Variants in EIPR1 observed in about 807,000 individuals in gnomAD.
The protein encoded by EIPR1 is EARP complex and GARP complex interacting protein 1.
Under a neutral mutation model 48.1 loss-of-function variants are expected in EIPR1, and 25 were observed. The observed-to-expected ratio is 0.52, with a 90% CI of 0.38 to 0.73. EIPR1 has a LOEUF of 0.73. EIPR1 is among the 30% of genes least tolerant of loss of function. The probability of loss-of-function intolerance (pLI) is 0.00; values close to 1 mark genes in which losing one functional copy is unlikely to be tolerated. For synonymous variants in EIPR1, 204 were observed against 201.9 expected (o/e 1.01, Z -0.09); for missense variants, 415 against 506.2 (o/e 0.82, Z 1.73).
intron 5 of EIPR1, among the ~76,000 whole-genome samples, chr2:3,200,201 C>T (rs1360387486): frequency 7.9e-5 from 12 of 152,002 alleles, no homozygotes; most frequent in Non-Finnish European, 1.3e-4. Context: ...CCTCCCAGCC[C>T]CAAGCGGATG....
intron 4 of EIPR1, among the ~76,000 whole-genome samples, chr2:3,227,686 A>C (rs116217073): frequency 0.014 from 2,137 of 152,350 alleles, 25 homozygotes; most frequent in Non-Finnish European, 0.02. Flanking sequence ...ACAGGCCCAG[A>C]GGCCTAAGAG....
intron 3 of EIPR1, among the ~76,000 whole-genome samples, chr2:3,259,618 A>G (rs1187758395): frequency 1.3e-5 from 2 of 150,564 alleles, no homozygotes; most frequent in Admixed American, 6.6e-5. Context: ...GAAAATATAG[A>G]TAAGAGAATC....
At chr2:3,263,690 G>A (rs943100842) in intron 3 of EIPR1, among the ~76,000 whole-genome samples, 2 of 151,252 alleles carry the variant, frequency 1.3e-5, no homozygotes, top group Non-Finnish European at 2.9e-5. Context: ...CCCAGGACGC[G>A]GCACGGTGCG....
chr2:3,200,008 A>G (rs549998980), intron 5 of EIPR1, among the ~76,000 whole-genome samples: 2 of 151,964 alleles, frequency 1.3e-5, no homozygotes, highest in African/African-American at 4.8e-5. Context: ...CTGGGCATGC[A>G]TGGGGAGAGT....
At chr2:3,191,285 T>A (rs1664597883) in intron 8 of EIPR1, among the ~76,000 whole-genome samples, 1 of 135,946 alleles carries the variant, frequency 7.4e-6, no homozygotes, top group Non-Finnish European at 1.6e-5. Flanking sequence ...GACAATCAGA[T>A]GGGCCCATCG....
intron 3 of EIPR1, among the ~76,000 whole-genome samples, chr2:3,270,710 C>A (rs947211438): frequency 6.6e-6 from 1 of 152,232 alleles, no homozygotes; most frequent in Non-Finnish European, 1.5e-5. Context: ...TCACCTGAGC[C>A]TTCAGGGAGT....
At chr2:3,304,991 C>T (rs1210480353) in intron 3 of EIPR1, among the ~76,000 whole-genome samples, 10 of 124,526 alleles carry the variant, frequency 8.0e-5, no homozygotes, top group African/African-American at 2.4e-4. Flanking sequence ...CCAGTTCAAC[C>T]CTCCACTCCC....
rs57906603 is a variant in EIPR1 at position 3,253,098 on chromosome 2, C to T, written c.416+4201G>A. Among the ~76,000 whole-genome samples, 101 of 152,280 alleles carry T rather than the reference C, an allele frequency of 6.6e-4. 1 individual carries two copies. Among genetic ancestry groups the T allele is most frequent in the African/African-American group, 2.2e-3 (93 of 41,566 alleles). ...TATAGCCTGTTCTCTCGGAAGCTGCCACCTGAAGTTTCCTCTGCAATAAGA... is the reference window on the plus strand; with the variant it reads ...TATAGCCTGTTCTCTCGGAAGCTGCTACCTGAAGTTTCCTCTGCAATAAGA... On this transcript the variant is annotated intron_variant, in intron 4 of 8. Coordinates refer to ENST00000382125, the MANE Select transcript of EIPR1 (RefSeq NM_003310.5).
intron 4 of EIPR1, among the ~76,000 whole-genome samples, chr2:3,252,740 G>A (rs10192670): frequency 6.6e-6 from 1 of 152,126 alleles, no homozygotes; most frequent in Non-Finnish European, 1.5e-5. Flanking sequence ...GTCCTCTAAG[G>A]CCAGCTCAGG....
intron 3 of EIPR1, among the ~76,000 whole-genome samples, chr2:3,288,452 G>A (rs1045527719): frequency 4.6e-5 from 7 of 152,192 alleles, no homozygotes; most frequent in Non-Finnish European, 8.8e-5. Flanking sequence ...GGGCTGCTGG[G>A]GTGTCCGGAA....
At chr2:3,275,651 G>A (rs894990790) in intron 3 of EIPR1, among the ~76,000 whole-genome samples, 1 of 151,880 alleles carries the variant, frequency 6.6e-6, no homozygotes, top group African/African-American at 2.4e-5. Flanking sequence ...ATGGAAAAGA[G>A]ACTCCATATC....
chr2:3,273,746 G>A (rs529332612), intron 3 of EIPR1, among the ~76,000 whole-genome samples: 1 of 152,276 alleles, frequency 6.6e-6, no homozygotes, highest in South Asian at 2.1e-4. Flanking sequence ...CGTCTCTGGA[G>A]GAATGCACCC....
At chr2:3,287,370 G>A (rs568825762) in intron 3 of EIPR1, among the ~76,000 whole-genome samples, 9 of 149,120 alleles carry the variant, frequency 6.0e-5, no homozygotes, top group African/African-American at 5.0e-5. Context: ...CGTTCACTAC[G>A]CTCCAGAAAG....
chr2:3,232,139 C>T (rs1666262438), intron 4 of EIPR1, among the ~76,000 whole-genome samples: 1 of 152,096 alleles, frequency 6.6e-6, no homozygotes, highest in Non-Finnish European at 1.5e-5. Context: ...CTCTTATGAT[C>T]CTTTGTATTT....
At chr2:3,297,359 A>G (rs560263050) in intron 3 of EIPR1, among the ~76,000 whole-genome samples, 2 of 152,372 alleles carry the variant, frequency 1.3e-5, no homozygotes, top group Admixed American at 1.3e-4. Flanking sequence ...ACAGCCATTC[A>G]CATCTTACAC....
At chr2:3,274,503 C>T in intron 3 of EIPR1, 1 of 1,481,030 alleles carries the variant, frequency 6.8e-7, no homozygotes, top group Non-Finnish European at 9.0e-7. Context: ...AGCCATGAGA[C>T]CCTACTTGGG....
intron 8 of EIPR1, among the ~76,000 whole-genome samples, chr2:3,190,552 C>T (rs1243234552): frequency 6.6e-6 from 1 of 152,064 alleles, no homozygotes; most frequent in African/African-American, 2.4e-5. Flanking sequence ...CTGCGTAGCC[C>T]CGATCACCTC....
intron 6 of EIPR1, 171 bp from the exon 7 acceptor site, chr2:3,194,337 C>G: frequency 1.5e-6 from 1 of 668,672 alleles, no homozygotes; most frequent in Non-Finnish European, 2.5e-6. Context: ...CCACCTCCTC[C>G]ATCCCAGCAA....
chr2:3,304,323 T>C (rs1357280671), intron 3 of EIPR1, among the ~76,000 whole-genome samples: 4 of 152,180 alleles, frequency 2.6e-5, no homozygotes, highest in Admixed American at 6.5e-5. Context: ...CCAGGCAACC[T>C]CATCAGAAGA....
Sources: gnomAD v4.1 joint callset for allele counts (sites outside exome capture counted in the v4.1 genomes callset) on GRCh38, gnomAD v4.1.1 for gene constraint, MANE v1.5 for transcripts, NCBI Gene and HGNC (gene_info 2026-07-23, HGNC 2026-07-21) for gene names.